The following DYNC1H1 variants were observed in gnomAD, a reference collection of about 807,000 sequenced individuals.
The protein encoded by DYNC1H1 is dynein cytoplasmic 1 heavy chain 1, also known as cytoplasmic dynein 1 heavy chain 1.
Under a neutral mutation model 527.1 loss-of-function variants are expected in DYNC1H1, and 51 were observed. The ratio of observed to expected loss-of-function variants is 0.10; its 90% CI spans 0.08 to 0.12. The LOEUF (loss-of-function observed/expected upper bound fraction) is 0.12. Ranked by LOEUF, DYNC1H1 falls within the 10% of genes least tolerant of loss-of-function variation. The pLI is 1.00. For missense variants in DYNC1H1, 2,771 were observed against 5,971.8 expected (o/e 0.46, Z 17.66); for synonymous variants, 2,189 against 2,278.8 (o/e 0.96, Z 1.12).
At chr14:102,009,254 T>A (rs1420257539) in intron 29 of DYNC1H1, 2 of 158,322 alleles carry the variant, frequency 1.3e-5, no homozygotes, top group Non-Finnish European at 2.8e-5. Context: ...ACAGCGTAGC[T>A]TTTAATGTTT....
In DYNC1H1 at chr14:102,049,305, C is replaced by T; in HGVS notation, c.13373-135C>T. 3.0e-6 allele frequency: 4 copies of T among 1,317,694 alleles called. No homozygotes were observed. The highest frequency in any genetic ancestry group is 4.2e-6 in the Non-Finnish European group (4 of 942,834). 81.6% of individuals were successfully genotyped at this position (1,317,694 alleles called of 1,614,324 possible). A position where few individuals can be genotyped will look rare whatever the true frequency, so the allele number is the denominator to read the frequency against. On this transcript the variant is annotated intron_variant, in intron 74 of 77. Transcript: ENST00000360184. The surrounding 1 kb of genome is among the most constrained non-coding windows in gnomAD (Gnocchi z 5.5). ...CGGCGCCAGGGGCATAAAGTGCAGC[C>T]TGGGAAAGGCAGTAGGTGGAGCCGC...
At position 102,005,848 on chromosome 14, in the gene DYNC1H1, T is replaced by A. The variant is rs1199124223; in HGVS notation, c.5434-40T>A. On this transcript the variant is annotated intron_variant, in intron 26 of 77. Coordinates refer to ENST00000360184, the MANE Select transcript of DYNC1H1 (RefSeq NM_001376.5). The surrounding 1 kb of genome is among the most constrained non-coding windows in gnomAD (Gnocchi z 4.0). Reference sequence around the variant, plus strand: ...AACCCGGAGAATGCACTGTATTGCTTTAGTGTAGATGAACTTTTAAAGTGA... The same window carrying A: ...AACCCGGAGAATGCACTGTATTGCTATAGTGTAGATGAACTTTTAAAGTGA... 2.0e-5 allele frequency: 32 copies of A among 1,613,018 alleles called. No individual in the cohort carries two copies. Among genetic ancestry groups the A allele is most frequent in the Non-Finnish European group, 2.6e-5 (31 of 1,179,256 alleles).
At position 102,030,000 on chromosome 14, in the gene DYNC1H1, T is replaced by C. The variant is rs192486904; in HGVS notation, c.9762+62T>C. The stretch of plus-strand genomic sequence containing the variant: ...GCATTTTCAGTCTCCAATGAGAGAG[T>C]AGGAAATGTAGTTCCAAATGGGTCT... On this transcript the variant is annotated intron_variant, in intron 50 of 77. Transcript: ENST00000360184. This position sits in a 1 kb window ranked among gnomAD's most constrained non-coding sequence, Gnocchi z 5.3. 126 of 1,612,398 alleles carry C rather than the reference T, an allele frequency of 7.8e-5. No individual in the cohort carries two copies. The highest frequency in any genetic ancestry group is 9.4e-5 in the African/African-American group (7 of 74,656).
chr14:101,970,217 A>G (rs949546589), intron 1 of DYNC1H1, among the ~76,000 whole-genome samples: 7 of 152,072 alleles, frequency 4.6e-5, no homozygotes, highest in Non-Finnish European at 1.0e-4. Flanking sequence ...TGATGTTACA[A>G]TGGAAATCTT....
chr14:101,984,443 A>ATTT, intron 7 of DYNC1H1, among the ~76,000 whole-genome samples: 1 of 113,480 alleles, frequency 8.8e-6, no homozygotes, highest in South Asian at 2.6e-4. Flanking sequence ...ATATATATAT[A>ATTT]TATTATATTT....
At chr14:101,967,303 A>G (rs2047680022) in intron 1 of DYNC1H1, among the ~76,000 whole-genome samples, 1 of 152,222 alleles carries the variant, frequency 6.6e-6, no homozygotes, top group Non-Finnish European at 1.5e-5. Context: ...AAAGATAGGC[A>G]TGCATTAATG....
At position 102,039,331 on chromosome 14, in the gene DYNC1H1, G is replaced by A. The variant is rs1222211750; in HGVS notation, c.11460+77G>A. 5 of 1,611,936 alleles carry A rather than the reference G, an allele frequency of 3.1e-6. No individual in the cohort carries two copies. The Admixed American group carries it at 8.3e-5, about 27-fold the overall frequency. ...GGCCGCACAGAGGCTGGCGGGCCCT[G>A]CACAGTAGCTCCTTGGCCACGCAGA... is the stretch of plus-strand genomic sequence containing the variant. On this transcript the variant is annotated intron_variant, in intron 60 of 77. Coordinates refer to ENST00000360184, the MANE Select transcript of DYNC1H1 (RefSeq NM_001376.5). The surrounding 1 kb of genome is among the most constrained non-coding windows in gnomAD (Gnocchi z 7.0).
intron 11 of DYNC1H1, among the ~76,000 whole-genome samples, chr14:101,992,789 C>G (rs780785935): frequency 9.2e-5 from 14 of 152,154 alleles, no homozygotes; most frequent in Non-Finnish European, 1.6e-4. Context: ...GAGGCTCCCT[C>G]CTGCGTGATG....
In DYNC1H1 at chr14:102,019,934, A is replaced by G. The variant is rs1567014109; in HGVS notation, c.8385A>G (p.Ser2795=). 1.2e-6 allele frequency: 2 copies of G among 1,613,968 alleles called. No individual in the cohort carries two copies. Among genetic ancestry groups the G allele is most frequent in the South Asian group, 2.2e-5 (2 of 91,070 alleles). ...ATACACAACCTCACTATATCTATTC[A>G]CCCCGTGAAATGACTAGGTGGGTGA... ...TQDTQPHYIY[S]PREMTRWVRG... The change falls in exon 42 of 78, where the codon TCA becomes TCG. Residue 2795 remains serine (S), a synonymous_variant. Transcript: ENST00000360184.
intron 74 of DYNC1H1, 161 bp downstream of exon 74, chr14:102,048,830 G>GGGGGGGGGGGGGT: frequency 3.7e-6 from 1 of 270,124 alleles, no homozygotes; most frequent in South Asian, 3.0e-5. Flanking sequence ...GGGGGGAGGG[G>GGGGGGGGGGGGGT]AGGAGCTTAG....
Position 102,012,645 on chromosome 14 carries a change from T to A in DYNC1H1, c.7014+175T>A. 1.2e-6 allele frequency: 1 copy of A among 830,754 alleles called. No homozygotes were observed. Among genetic ancestry groups the A allele is most frequent in the Non-Finnish European group, 2.0e-6 (1 of 510,388 alleles). The allele number at this position is 830,754 out of a possible 1,614,324, so 51.5% of individuals were successfully genotyped here. ...CTGCTAGATTTTTTTTCCATTTCCA[T>A]GGCTAGTGAGAAACATTTTAATAGG... On this transcript the variant is annotated intron_variant, in intron 34 of 77. Transcript: ENST00000360184. The surrounding 1 kb of genome is among the most constrained non-coding windows in gnomAD (Gnocchi z 4.9).
intron 5 of DYNC1H1, among the ~76,000 whole-genome samples, chr14:101,982,765 G>A (rs952819795): frequency 7.8e-6 from 1 of 128,270 alleles, no homozygotes; most frequent in Non-Finnish European, 1.6e-5. Context: ...GCAAAGCAAA[G>A]CATGGTAAAT....
In DYNC1H1 at chr14:102,021,394, C is replaced by T. The variant is rs550375279; in HGVS notation, c.8507+1338C>T. On this transcript the variant is annotated intron_variant, in intron 42 of 77. Coordinates refer to ENST00000360184, the MANE Select transcript of DYNC1H1 (RefSeq NM_001376.5). ...CCTGTCTCCCACAATATAGTTTTCA[C>T]AGATTTCTAGTACCACAGAGAATTT... Among the ~76,000 whole-genome samples, 4 of 152,258 alleles carry T rather than the reference C, an allele frequency of 2.6e-5. No homozygotes were observed. In the South Asian group the frequency reaches 8.3e-4, roughly 32 times the overall value.
chr14:102,004,200 T>C (rs990623877), intron 23 of DYNC1H1, among the ~76,000 whole-genome samples: 14 of 151,572 alleles, frequency 9.2e-5, no homozygotes, highest in South Asian at 2.1e-4. Flanking sequence ...GCCGAGATCG[T>C]GCCACTGCAC....
rs1455112432 is a variant in DYNC1H1, at chr14:102,048,542, A to G, written c.13245A>G (p.Arg4415=). ...ATCCTTTGTTCAGGTTCTTTGAGAG[A>G]GAAGTGAAGATGGGCGCAAAGCTGC... is the stretch of plus-strand genomic sequence containing the variant. ...IKDPLFRFFE[R]EVKMGAKLLQ... is the part of the protein sequence containing the mutation. The change falls in exon 74 of 78, where the codon AGA becomes AGG. Residue 4415 remains arginine (R), a synonymous_variant. Coordinates refer to ENST00000360184, the MANE Select transcript of DYNC1H1 (RefSeq NM_001376.5). 6.2e-7 allele frequency: 1 copy of G among 1,614,160 alleles called. No homozygotes were observed. Among genetic ancestry groups the G allele is most frequent in the South Asian group, 1.1e-5 (1 of 91,082 alleles).
Position 102,041,721 on chromosome 14 carries a change from T to C in DYNC1H1, c.12089T>C (p.Ile4030Thr), listed in dbSNP as rs748133009. 9 of 1,614,006 alleles carry C rather than the reference T, an allele frequency of 5.6e-6. No individual in the cohort carries two copies. In the African/African-American group the frequency reaches 6.7e-5, roughly 12 times the overall value. The change falls in exon 65 of 78, where the codon ATT becomes ACT. Residue 4030 changes from isoleucine to threonine, a missense_variant. Coordinates refer to ENST00000360184, the MANE Select transcript of DYNC1H1 (RefSeq NM_001376.5). This position sits in a 1 kb window ranked among gnomAD's most constrained non-coding sequence, Gnocchi z 4.5. The part of the protein sequence containing the change: ...IMEQPLDLTH[I>T]VGTEVKPNTP... ...GAGCAGCCGCTCGACCTGACCCACA[T>C]TGTGGGCACAGAGGTAATGTCCTGG...
At chr14:102,006,695 G>T (rs898916811) in intron 27 of DYNC1H1, among the ~76,000 whole-genome samples, 3 of 151,928 alleles carry the variant, frequency 2.0e-5, no homozygotes, top group Non-Finnish European at 2.9e-5. Context: ...CTGCCTCCCG[G>T]GTTCAAGCGA....
In DYNC1H1 at chr14:102,002,517, C is replaced by G. The variant is rs910482741; in HGVS notation, c.4543-20C>G. On this transcript the variant is annotated intron_variant, in intron 21 of 77. Coordinates refer to ENST00000360184, the MANE Select transcript of DYNC1H1 (RefSeq NM_001376.5). The surrounding 1 kb of genome is among the most constrained non-coding windows in gnomAD (Gnocchi z 4.4). ...GTAGAAGGGTCAGCAGTTTACCTCTCCCTCCTGTCTGCCCACCAGGTTTTT... is the reference window on the plus strand; with the variant it reads ...GTAGAAGGGTCAGCAGTTTACCTCTGCCTCCTGTCTGCCCACCAGGTTTTT... 7 of 1,613,694 alleles carry G rather than the reference C, an allele frequency of 4.3e-6. No homozygotes were observed. The highest frequency in any genetic ancestry group is 5.9e-6 in the Non-Finnish European group (7 of 1,179,878).
Position 102,033,239 on chromosome 14 carries a change from AAAT to A in DYNC1H1, c.10198-27_10198-25del. The A allele has an allele frequency of 6.2e-7, 1 of 1,614,118 alleles. No individual in the cohort carries two copies. ...AAGGTGACCTCTTTTCCTGTCACTTAAATAACAGTTATCAATTGGTTCTTCCCA... is the reference window on the plus strand; with the variant it reads ...AAGGTGACCTCTTTTCCTGTCACTTAAACAGTTATCAATTGGTTCTTCCCA... On this transcript the variant is annotated intron_variant, in intron 53 of 77. Coordinates refer to ENST00000360184, the MANE Select transcript of DYNC1H1 (RefSeq NM_001376.5). This position sits in a 1 kb window ranked among gnomAD's most constrained non-coding sequence, Gnocchi z 5.6.
Sources: allele counts gnomAD v4.1 joint callset (sites outside exome capture counted in the v4.1 genomes callset), GRCh38; gene constraint gnomAD v4.1.1; non-coding constraint Gnocchi (gnomAD v3.1); transcripts MANE v1.5; gene names NCBI Gene and HGNC (gene_info 2026-07-23, HGNC 2026-07-21).